GRIA2: variants seen among roughly 807,000 people sequenced by gnomAD.
GRIA2 encodes glutamate receptor 2.
Under a neutral mutation model 97.3 loss-of-function variants are expected in GRIA2, and 14 were observed. The observed-to-expected ratio is 0.14, with a 90% CI of 0.10 to 0.23. The LOEUF is 0.23. Among genes scored for constraint, GRIA2 ranks in the 10% least tolerant of loss-of-function variants. GRIA2 has a pLI of 1.00. For synonymous variants in GRIA2, 412 were observed against 387.8 expected (o/e 1.06, Z -0.73); for missense variants, 558 against 1,069.8 (o/e 0.52, Z 6.67).
At chr4:157,284,193 G>C (rs955883527) in intron 2 of GRIA2, among the ~76,000 whole-genome samples, 1 of 151,800 alleles carries the variant, frequency 6.6e-6, no homozygotes, top group African/African-American at 2.4e-5. Context: ...AGTTGTGTGA[G>C]AGGGGGAACT....
chr4:157,241,421 A>G (rs772900995), intron 2 of GRIA2, among the ~76,000 whole-genome samples: 8 of 152,118 alleles, frequency 5.3e-5, no homozygotes, highest in Admixed American at 1.3e-4. Flanking sequence ...TTAGGACTCA[A>G]TTTGAAAACA....
At chr4:157,256,623 T>C (rs1731287302) in intron 2 of GRIA2, among the ~76,000 whole-genome samples, 1 of 151,876 alleles carries the variant, frequency 6.6e-6, no homozygotes. Flanking sequence ...TGCCAACTCT[T>C]TCCTCCTTTT....
At chr4:157,286,299 C>T (rs781263657) in intron 2 of GRIA2, among the ~76,000 whole-genome samples, 2 of 151,444 alleles carry the variant, frequency 1.3e-5, no homozygotes, top group African/African-American at 2.4e-5. Flanking sequence ...CAATTTTTCA[C>T]ACATGAAAAT....
At chr4:157,278,810 AGACTT>A (rs1465172229) in intron 2 of GRIA2, among the ~76,000 whole-genome samples, 1 of 152,094 alleles carries the variant, frequency 6.6e-6, no homozygotes, top group Non-Finnish European at 1.5e-5. Context: ...AATAGACAAA[AGACTT>A]GAACACACAT....
intron 2 of GRIA2, among the ~76,000 whole-genome samples, chr4:157,260,445 C>A (rs1481189105): frequency 6.6e-6 from 1 of 152,096 alleles, no homozygotes; most frequent in Admixed American, 6.6e-5. Context: ...CCATCTGAAG[C>A]ACTTTGTCCC....
At chr4:157,310,107 C>G (rs922085186) in intron 3 of GRIA2, among the ~76,000 whole-genome samples, 10 of 151,972 alleles carry the variant, frequency 6.6e-5, no homozygotes, top group African/African-American at 2.4e-4. Context: ...TGATAGCTGT[C>G]GAATTGATCA....
chr4:157,341,467 G>A lies in GRIA2; in HGVS notation c.2043+5G>A, dbSNP rs1735543195. 1 of 1,573,482 alleles carries A rather than the reference G, an allele frequency of 6.4e-7. No homozygotes were observed. Among genetic ancestry groups the A allele is most frequent in the Non-Finnish European group, 8.7e-7 (1 of 1,143,478 alleles). On this transcript the variant is annotated splice_donor_5th_base_variant and intron_variant, in intron 12 of 15. Transcript: ENST00000264426. The stretch of plus-strand genomic sequence containing the variant: ...TCCACTAAAGAGTTTTTCAGGGTAA[G>A]AGATTCTGCTTTGTAGTTTCTGATT...
rs537409512 is a variant in GRIA2 at position 157,342,397 on chromosome 4, G to C, written c.2043+935G>C. The C allele has an allele frequency of 1.3e-4, 131 of 984,248 alleles. No individual in the cohort carries two copies. The African/African-American group carries it at 2.1e-3, about 16-fold the overall frequency. 61.0% of individuals were successfully genotyped at this position (984,248 alleles called of 1,614,324 possible). ...ATGGGAGAAAGGGTTCTGGGAGTGG[G>C]GGTGGTAGAACCATGGCTAATAACA... On this transcript the variant is annotated intron_variant, in intron 12 of 15. Transcript: ENST00000264426.
At chr4:157,231,745 G>A (rs1475579101) in intron 2 of GRIA2, among the ~76,000 whole-genome samples, 1 of 152,046 alleles carries the variant, frequency 6.6e-6, no homozygotes, top group Non-Finnish European at 1.5e-5. Flanking sequence ...CATCTTAGTA[G>A]AACAGAGAAA....
intron 4 of GRIA2, among the ~76,000 whole-genome samples, chr4:157,315,130 G>A (rs1734254074): frequency 6.6e-6 from 1 of 152,178 alleles, no homozygotes; most frequent in South Asian, 2.1e-4. Flanking sequence ...TTCCCTGAGT[G>A]TCTAATGTTT....
At chr4:157,283,114 AT>A (rs1459423837) in intron 2 of GRIA2, among the ~76,000 whole-genome samples, 1 of 151,954 alleles carries the variant, frequency 6.6e-6, no homozygotes. Flanking sequence ...TTCCTATTAT[AT>A]TTTTTCATAT....
intron 2 of GRIA2, among the ~76,000 whole-genome samples, chr4:157,250,604 G>A (rs1321021191): frequency 6.6e-6 from 1 of 152,016 alleles, no homozygotes; most frequent in African/African-American, 2.4e-5. Flanking sequence ...ACGAGATACA[G>A]ATCTATATAG....
intron 2 of GRIA2, among the ~76,000 whole-genome samples, chr4:157,242,672 C>T (rs1396449285): frequency 6.6e-6 from 1 of 152,086 alleles, no homozygotes; most frequent in Non-Finnish European, 1.5e-5. Flanking sequence ...TTAGCAAATA[C>T]TGAACCATTG....
chr4:157,361,671 T>C lies in GRIA2; in HGVS notation c.2406+547T>C. 6.4e-7 allele frequency: 1 copy of C among 1,562,594 alleles called. No homozygotes were observed. On this transcript the variant is annotated intron_variant, in intron 14 of 15. Transcript: ENST00000264426. The surrounding 1 kb of genome is among the most constrained non-coding windows in gnomAD (Gnocchi z 5.2). ...AAGTAAGGTCAGTTGCTGCAGGTTT[T>C]ATGTGAAAAAACAAAATCAAACACA... is the stretch of plus-strand genomic sequence containing the variant.
intron 2 of GRIA2, among the ~76,000 whole-genome samples, chr4:157,281,680 C>T (rs1205687277): frequency 7.5e-6 from 1 of 134,110 alleles, no homozygotes; most frequent in Non-Finnish European, 1.6e-5. Flanking sequence ...TTGTGTGGGT[C>T]TCCTTAGGCA....
At chr4:157,273,116 C>A (rs1560740357) in intron 2 of GRIA2, among the ~76,000 whole-genome samples, 1 of 151,918 alleles carries the variant, frequency 6.6e-6, no homozygotes, top group Non-Finnish European at 1.5e-5. Context: ...ATTTACATAG[C>A]ATTTTTATTA....
At chr4:157,237,507 T>G (rs1730307960) in intron 2 of GRIA2, among the ~76,000 whole-genome samples, 1 of 152,076 alleles carries the variant, frequency 6.6e-6, no homozygotes, top group South Asian at 2.1e-4. Context: ...CTCAAACTCC[T>G]GGCCTCAAGC....
chr4:157,283,364 C>G (rs960215554), intron 2 of GRIA2, among the ~76,000 whole-genome samples: 2 of 151,898 alleles, frequency 1.3e-5, no homozygotes, highest in Non-Finnish European at 2.9e-5. Context: ...GCTGAATAAT[C>G]TGAGGCTGAA....
intron 2 of GRIA2, among the ~76,000 whole-genome samples, chr4:157,253,863 T>G (rs1731123630): frequency 6.6e-6 from 1 of 152,074 alleles, no homozygotes; most frequent in South Asian, 2.1e-4. Context: ...AAAATTTATC[T>G]TATGCTAATC....
Sources: allele counts gnomAD v4.1 joint callset (sites outside exome capture counted in the v4.1 genomes callset), GRCh38; gene constraint gnomAD v4.1.1; non-coding constraint Gnocchi (gnomAD v3.1); transcripts MANE v1.5; gene names NCBI Gene and HGNC (gene_info 2026-07-23, HGNC 2026-07-21).